Variants in VPS13D observed in about 807,000 individuals in gnomAD.
The protein encoded by VPS13D is vacuolar protein sorting 13 homolog D.
In VPS13D, 187 loss-of-function variants were observed where a neutral mutation model predicts 461.9. That is an observed-to-expected ratio of 0.40 (90% CI 0.36 to 0.46). The LOEUF is 0.46. Ranked by LOEUF, VPS13D falls within the 20% of genes least tolerant of loss-of-function variation. The probability of loss-of-function intolerance (pLI) is 0.60; values close to 1 mark genes in which losing one functional copy is unlikely to be tolerated. For synonymous variants in VPS13D, 1,951 were observed against 1,986.3 expected (o/e 0.98, Z 0.47); for missense variants, 4,711 against 5,364.9 (o/e 0.88, Z 3.81).
intron 63 of VPS13D, among the ~76,000 whole-genome samples, chr1:12,408,493 A>G (rs1644683902): frequency 6.6e-6 from 1 of 152,110 alleles, no homozygotes; most frequent in African/African-American, 2.4e-5. Context: ...CATCCCAGGT[A>G]GCTGGGATTA....
chr1:12,348,723 G>C lies in VPS13D; in HGVS notation c.9070-100G>C. 3 of 1,409,688 alleles carry C rather than the reference G, an allele frequency of 2.1e-6. No individual in the cohort carries two copies. In the East Asian group the frequency reaches 7.3e-5, roughly 34 times the overall value. 87.3% of individuals were successfully genotyped at this position (1,409,688 alleles called of 1,614,324 possible). ...CTGATTTCACTGAAGAACTATAGTA[G>C]TAATAAGACACTTTTAAGGTAGACA... is the stretch of plus-strand genomic sequence containing the variant. On this transcript the variant is annotated intron_variant, in intron 44 of 69. Transcript: ENST00000620676.
intron 14 of VPS13D, among the ~76,000 whole-genome samples, chr1:12,267,609 T>C (rs1641311168): frequency 6.6e-6 from 1 of 152,142 alleles, no homozygotes; most frequent in Non-Finnish European, 1.5e-5. Context: ...CAACTGTTCA[T>C]TAAATGTGCC....
At chr1:12,449,745 A>G (rs1645237844) in intron 65 of VPS13D, among the ~76,000 whole-genome samples, 2 of 152,234 alleles carry the variant, frequency 1.3e-5, no homozygotes, top group South Asian at 4.1e-4. Flanking sequence ...TGAAAGTCCC[A>G]TACTACTTCT....
rs1055426231 is a variant in VPS13D at position 12,505,098 on chromosome 1, C to T, written c.12795-1755C>T. Among the ~76,000 whole-genome samples the T allele has an allele frequency of 6.6e-5, 10 of 152,216 alleles. No individual in the cohort carries two copies. Among genetic ancestry groups the T allele is most frequent in the South Asian group, 2.1e-4 (1 of 4,826 alleles). The stretch of plus-strand genomic sequence containing the variant: ...TGGAGTCTCCTTGGAGAGCCCGTGA[C>T]GGCCTCAGTGGCTGTGCACCAGGCC... On this transcript the variant is annotated intron_variant, in intron 68 of 69. Transcript: ENST00000620676. The surrounding 1 kb of genome is among the most constrained non-coding windows in gnomAD (Gnocchi z 4.2).
Position 12,261,162 on chromosome 1 carries a change from C to T in VPS13D, c.1414+13C>T. 1 of 1,613,072 alleles carries T rather than the reference C, an allele frequency of 6.2e-7. No individual in the cohort carries two copies. The highest frequency in any genetic ancestry group is 8.5e-7 in the Non-Finnish European group (1 of 1,179,298). ...GAAGAGATCCTGGGTACGGTGGGAG[C>T]TGGCCTTCACTTGATTCAAACAAAT... is the stretch of plus-strand genomic sequence containing the variant. On this transcript the variant is annotated intron_variant, in intron 12 of 69. Transcript: ENST00000620676.
chr1:12,379,097 T>C (rs1172686462), intron 56 of VPS13D, among the ~76,000 whole-genome samples: 4 of 152,188 alleles, frequency 2.6e-5, no homozygotes, highest in Non-Finnish European at 4.4e-5. Context: ...AGAAAAACTT[T>C]AGTTGACTTA....
At chr1:12,455,104 G>A (rs1406796367) in intron 65 of VPS13D, among the ~76,000 whole-genome samples, 1 of 152,170 alleles carries the variant, frequency 6.6e-6, no homozygotes, top group Non-Finnish European at 1.5e-5. Flanking sequence ...TGGAAAGGGT[G>A]GGTTTGCATT....
At chr1:12,325,789 G>A (rs745848898) in intron 35 of VPS13D, among the ~76,000 whole-genome samples, 1 of 151,924 alleles carries the variant, frequency 6.6e-6, no homozygotes, top group Non-Finnish European at 1.5e-5. Flanking sequence ...TGACTCTAAG[G>A]ATATATTATA....
At chr1:12,358,393 A>G (rs1557730912) in intron 49 of VPS13D, 66 bp from the exon 50 acceptor site, 10 of 1,588,528 alleles carry the variant, frequency 6.3e-6, no homozygotes, top group South Asian at 1.2e-5. Flanking sequence ...GTGTTTCCCA[A>G]TTAGAACAGG....
chr1:12,383,094 G>T lies in VPS13D; in HGVS notation c.11309G>T (p.Arg3770Ile). 1 of 1,614,162 alleles carries T rather than the reference G, an allele frequency of 6.2e-7. No homozygotes were observed. Among genetic ancestry groups the T allele is most frequent in the Non-Finnish European group, 8.5e-7 (1 of 1,180,034 alleles). Residue 3770 changes from arginine (R) to isoleucine (I), a missense_variant, in exon 58 of 70, where the codon AGA (arginine) becomes ATA (isoleucine). Transcript: ENST00000620676. ...PEQQFINQKM[R>I]PGSGMLSIRV... The stretch of plus-strand genomic sequence containing the variant: ...CAACAATTTATTAATCAAAAAATGA[G>T]ACCTGGTTCTGGAATGTTATCCATC...
chr1:12,360,251 G>T (rs568955912), intron 50 of VPS13D, among the ~76,000 whole-genome samples: 1 of 152,154 alleles, frequency 6.6e-6, no homozygotes, highest in Admixed American at 6.5e-5. Flanking sequence ...AACTTTTGCC[G>T]TATATTCCCA....
intron 62 of VPS13D, 79 bp from the exon 63 acceptor site, chr1:12,403,746 A>G (rs1050207777): frequency 6.6e-6 from 9 of 1,371,354 alleles, no homozygotes; most frequent in Non-Finnish European, 8.8e-6. Flanking sequence ...ATTTTTTTCT[A>G]TGTGAATACA....
At chr1:12,388,482 G>C (rs1319728592) in intron 60 of VPS13D, among the ~76,000 whole-genome samples, 1 of 151,938 alleles carries the variant, frequency 6.6e-6, no homozygotes, top group Non-Finnish European at 1.5e-5. Flanking sequence ...GCTGAGACAG[G>C]AGAATTGCTG....
intron 25 of VPS13D, among the ~76,000 whole-genome samples, chr1:12,301,776 G>A (rs781175768): frequency 2.5e-4 from 38 of 152,110 alleles, no homozygotes; most frequent in Non-Finnish European, 4.1e-4. Context: ...AGCAACCCCC[G>A]TTCTAAAGCT....
intron 63 of VPS13D, among the ~76,000 whole-genome samples, chr1:12,407,615 C>T (rs1644672481): frequency 6.6e-6 from 1 of 152,146 alleles, no homozygotes; most frequent in African/African-American, 2.4e-5. Flanking sequence ...CCAGATTAAC[C>T]TGAAGGTGGC....
At chr1:12,372,506 A>G (rs1187266912) in intron 54 of VPS13D, among the ~76,000 whole-genome samples, 1 of 152,146 alleles carries the variant, frequency 6.6e-6, no homozygotes, top group Non-Finnish European at 1.5e-5. Flanking sequence ...ATTTGTGTAT[A>G]TTATTTGGAG....
At chr1:12,273,576 A>T (rs1641517652) in intron 18 of VPS13D, among the ~76,000 whole-genome samples, 1 of 152,064 alleles carries the variant, frequency 6.6e-6, no homozygotes, top group South Asian at 2.1e-4. Flanking sequence ...CTCGCTCCCC[A>T]TCCCCTGGCA....
rs965521226 is a variant in VPS13D at position 12,495,356 on chromosome 1, C to T, written c.12663-2144C>T. The stretch of plus-strand genomic sequence containing the variant: ...GTATTTTTAGTAGTATTTTTAGTTT[C>T]ACCGTGTTAGCCAGGATGATCTTGA... On this transcript the variant is annotated intron_variant, in intron 67 of 69. Transcript: ENST00000620676. The surrounding 1 kb of genome is among the most constrained non-coding windows in gnomAD (Gnocchi z 4.0). Among the ~76,000 whole-genome samples the T allele has an allele frequency of 1.3e-5, 2 of 151,928 alleles. No homozygotes were observed. Among genetic ancestry groups the T allele is most frequent in the African/African-American group, 4.8e-5 (2 of 41,356 alleles).
At chr1:12,391,974 C>T (rs1644432446) in intron 60 of VPS13D, among the ~76,000 whole-genome samples, 1 of 152,006 alleles carries the variant, frequency 6.6e-6, no homozygotes, top group Admixed American at 6.6e-5. Flanking sequence ...GATCCTCCCA[C>T]GTCAGCCTCC....
Sources: gnomAD v4.1 joint callset for allele counts (sites outside exome capture counted in the v4.1 genomes callset) on GRCh38, gnomAD v4.1.1 for gene constraint, Gnocchi (gnomAD v3.1) non-coding constraint, MANE v1.5 for transcripts, NCBI Gene and HGNC (gene_info 2026-07-23, HGNC 2026-07-21) for gene names.